The following RAB27B variants were observed in gnomAD, a reference collection of about 807,000 sequenced individuals.
RAB27B encodes RAB27B, member RAS oncogene family.
A neutral mutation model predicts 24.6 loss-of-function variants in RAB27B; 15 were observed. The ratio of observed to expected loss-of-function variants is 0.61; its 90% CI spans 0.41 to 0.94. RAB27B has a LOEUF of 0.94. RAB27B is among the 40% of genes least tolerant of loss of function. The pLI is 0.00. For synonymous variants in RAB27B, 105 were observed against 92.5 expected, an observed-to-expected ratio of 1.14 and a Z score of -0.78; for missense variants, 261 against 266.8, an observed-to-expected ratio of 0.98 and a Z score of 0.15.
chr18:54,864,888 C>G (rs530130505), intron 1 of RAB27B, among the ~76,000 whole-genome samples: 256 of 152,066 alleles, frequency 1.7e-3, no homozygotes, highest in African/African-American at 6.0e-3. Flanking sequence ...ATTCTGTGTC[C>G]CTTTCATTTT....
At chr18:54,765,984 T>A (rs774441919) in intron 2 of RAB27B, among the ~76,000 whole-genome samples, 1 of 152,220 alleles carries the variant, frequency 6.6e-6, no homozygotes, top group Non-Finnish European at 1.5e-5. Flanking sequence ...CAGCAGGACA[T>A]TAATTTCTTC....
chr18:54,814,406 T>C (rs189184629), intron 2 of RAB27B, among the ~76,000 whole-genome samples: 2 of 152,274 alleles, frequency 1.3e-5, no homozygotes, highest in East Asian at 3.9e-4. Context: ...GGGAATAGGG[T>C]CGAATGGAGG....
intron 2 of RAB27B, among the ~76,000 whole-genome samples, chr18:54,801,008 G>GTT (rs11363761): frequency 0.075 from 6,970 of 92,568 alleles, 412 homozygotes; most frequent in African/African-American, 0.095. Flanking sequence ...TTGTTCCTGT[G>GTT]TTTTTTTTTT....
At position 54,722,744 on chromosome 18, in the gene RAB27B, C is replaced by A. The variant is rs533947606; in HGVS notation, c.-20+4603C>A. ...CTGCACACAAACATGCACATGTATT[C>A]CCCCAAGCAACTGCTATACATTTTT... On this transcript the variant is annotated intron_variant, in intron 2 of 4. Transcript: ENST00000586570. Among the ~76,000 whole-genome samples, 6 of 152,230 alleles carry A rather than the reference C, an allele frequency of 3.9e-5. No homozygotes were observed. The South Asian group carries it at 1.2e-3, about 32-fold the overall frequency.
At chr18:54,802,078 C>G (rs1433127565) in intron 2 of RAB27B, among the ~76,000 whole-genome samples, 1 of 152,150 alleles carries the variant, frequency 6.6e-6, no homozygotes, top group Admixed American at 6.5e-5. Flanking sequence ...AGCTACAAAA[C>G]CTTCATTTTT....
At chr18:54,841,490 C>A (rs149396467) in intron 1 of RAB27B, among the ~76,000 whole-genome samples, 1 of 152,236 alleles carries the variant, frequency 6.6e-6, no homozygotes, top group Non-Finnish European at 1.5e-5. Flanking sequence ...TCGAACCAAT[C>A]CCCGATGAAC....
chr18:54,750,793 A>C (rs1481256810), intron 2 of RAB27B, among the ~76,000 whole-genome samples: 2 of 152,224 alleles, frequency 1.3e-5, no homozygotes, highest in African/African-American at 4.8e-5. Flanking sequence ...TTCAAAAAGC[A>C]AAGAACCCAT....
chr18:54,772,224 T>C (rs572664484), intron 2 of RAB27B, among the ~76,000 whole-genome samples: 81 of 152,358 alleles, frequency 5.3e-4, no homozygotes, highest in African/African-American at 1.7e-3. Context: ...TGATGAGGTT[T>C]AGCCAATTTC....
At chr18:54,775,188 C>G (rs1029989925) in intron 2 of RAB27B, among the ~76,000 whole-genome samples, 18 of 152,128 alleles carry the variant, frequency 1.2e-4, no homozygotes, top group Non-Finnish European at 4.4e-5. Flanking sequence ...AGGCCATGAC[C>G]ACAGCATCAA....
At chr18:54,783,729 C>T (rs1254576469) in intron 2 of RAB27B, among the ~76,000 whole-genome samples, 1 of 152,158 alleles carries the variant, frequency 6.6e-6, no homozygotes, top group African/African-American at 2.4e-5. Flanking sequence ...CCTCTCTTGT[C>T]CCTGCTTCCC....
chr18:54,786,111 C>CT (rs75271107), intron 2 of RAB27B, among the ~76,000 whole-genome samples: 6 of 151,976 alleles, frequency 3.9e-5, no homozygotes, highest in African/African-American at 7.2e-5. Flanking sequence ...TCTATTTCAT[C>CT]TTTTTTTTGT....
chr18:54,836,973 G>A (rs1216346312), intron 1 of RAB27B, among the ~76,000 whole-genome samples: 5 of 152,030 alleles, frequency 3.3e-5, no homozygotes, highest in African/African-American at 4.8e-5. Flanking sequence ...TTAATCTCTG[G>A]TATAATTTTT....
At chr18:54,831,709 A>G (rs1378329430) in intron 1 of RAB27B, among the ~76,000 whole-genome samples, 1 of 152,220 alleles carries the variant, frequency 6.6e-6, no homozygotes, top group African/African-American at 2.4e-5. Flanking sequence ...GGGTAATACA[A>G]TGAGAGTGAC....
intron 1 of RAB27B, among the ~76,000 whole-genome samples, chr18:54,859,973 C>G (rs1351816663): frequency 3.3e-5 from 5 of 152,140 alleles, no homozygotes; most frequent in Admixed American, 2.6e-4. Flanking sequence ...ATGCCTTTCC[C>G]TTGGGATTTC....
At chr18:54,859,850 A>G (rs1164025617) in intron 1 of RAB27B, among the ~76,000 whole-genome samples, 1 of 152,228 alleles carries the variant, frequency 6.6e-6, no homozygotes, top group Non-Finnish European at 1.5e-5. Context: ...CATTGTTGAC[A>G]TATTGTATTT....
At chr18:54,848,156 C>T (rs188149688) in intron 1 of RAB27B, among the ~76,000 whole-genome samples, 9 of 152,202 alleles carry the variant, frequency 5.9e-5, no homozygotes, top group African/African-American at 1.7e-4. Flanking sequence ...TCGGTTTACA[C>T]CTCCACTTGT....
chr18:54,821,451 G>T (rs543881442), intron 2 of RAB27B, among the ~76,000 whole-genome samples: 40 of 152,086 alleles, frequency 2.6e-4, no homozygotes, highest in African/African-American at 8.9e-4. Flanking sequence ...CGTGAAAATG[G>T]CCATACTGCC....
At chr18:54,788,216 G>T (rs1909148242) in intron 2 of RAB27B, among the ~76,000 whole-genome samples, 1 of 152,200 alleles carries the variant, frequency 6.6e-6, no homozygotes, top group South Asian at 2.1e-4. Context: ...AACTCTCCAA[G>T]CATTTTAATA....
intron 2 of RAB27B, among the ~76,000 whole-genome samples, chr18:54,795,572 G>A (rs1194601499): frequency 1.3e-5 from 2 of 152,206 alleles, no homozygotes; most frequent in Non-Finnish European, 2.9e-5. Flanking sequence ...CATGATGAAT[G>A]AAGGGCCTGG....
Sources: allele counts gnomAD v4.1 joint callset (sites outside exome capture counted in the v4.1 genomes callset), GRCh38; gene constraint gnomAD v4.1.1; transcripts MANE v1.5; gene names NCBI Gene and HGNC (gene_info 2026-07-23, HGNC 2026-07-21).